Variants in PTPRC observed in about 807,000 individuals in gnomAD.
PTPRC encodes receptor-type tyrosine-protein phosphatase C.
In PTPRC, 44 loss-of-function variants were observed where a neutral mutation model predicts 155.9. The ratio of observed to expected loss-of-function variants is 0.28; its 90% CI spans 0.22 to 0.36. The LOEUF is 0.36. PTPRC is among the 10% of genes least tolerant of loss of function. The pLI is 1.00. For missense variants in PTPRC, 1,401 were observed against 1,564.6 expected, an observed-to-expected ratio of 0.90 and a Z score of 1.76; for synonymous variants, 525 against 533.1, an observed-to-expected ratio of 0.98 and a Z score of 0.21.
chr1:198,748,105 T>TTTC lies in PTPRC; in HGVS notation c.2848-4_2848-3insTTC. On this transcript the variant is annotated splice_region_variant and splice_polypyrimidine_tract_variant and intron_variant, in intron 26 of 32. Transcript: ENST00000442510. ...AGTTTTTCTGTTTTTTTTTTTTTTTTCAGAGACTTCCTTCATATAGGAGCT... is the reference window on the plus strand; with the variant it reads ...AGTTTTTCTGTTTTTTTTTTTTTTTTTTCCAGAGACTTCCTTCATATAGGAGCT... The TTTC allele has an allele frequency of 6.3e-7, 1 of 1,576,562 alleles. No individual in the cohort carries two copies. Among genetic ancestry groups the TTTC allele is most frequent in the Non-Finnish European group, 8.6e-7 (1 of 1,165,350 alleles).
intron 2 of PTPRC, among the ~76,000 whole-genome samples, chr1:198,661,326 A>C (rs1663949157): frequency 6.7e-6 from 1 of 149,710 alleles, no homozygotes; most frequent in African/African-American, 2.4e-5. Context: ...TTATTAAATA[A>C]TAATAAATCA....
chr1:198,756,049 T>G lies in PTPRC; in HGVS notation c.3789T>G (p.Asn1263Lys). Residue 1263 changes from asparagine (N) to lysine (K), a missense_variant, in exon 33 of 33, where the codon AAT becomes AAG. Transcript: ENST00000442510. The part of the protein sequence containing the change: ...DKVKQDANCV[N>K]PLGAPEKLPE... ...TAAAGCAGGATGCTAATTGTGTTAA[T>G]CCACTTGGTGCCCCAGAAAAGCTCC... is the stretch of plus-strand genomic sequence containing the variant. 2 of 1,613,490 alleles carry G rather than the reference T, an allele frequency of 1.2e-6. No homozygotes were observed. The highest frequency in any genetic ancestry group is 8.5e-7 in the Non-Finnish European group (1 of 1,179,672).
rs1663349014 is a variant in PTPRC at position 198,653,152 on chromosome 1, A to G, written c.73+13811A>G. Among the ~76,000 whole-genome samples the G allele has an allele frequency of 2.0e-5, 3 of 151,822 alleles. No individual in the cohort carries two copies. In the Admixed American group the frequency reaches 2.0e-4, roughly 10 times the overall value. On this transcript the variant is annotated intron_variant, in intron 2 of 32. Coordinates refer to ENST00000442510, the MANE Select transcript of PTPRC (RefSeq NM_002838.5). ...TATCTTAATTAGTCACTTTTCAAGA[A>G]CAAATGTGTTATGCTCAAAGCATCC...
intron 2 of PTPRC, among the ~76,000 whole-genome samples, chr1:198,670,930 G>A (rs181576830): frequency 3.9e-5 from 6 of 151,984 alleles, no homozygotes; most frequent in Admixed American, 2.0e-4. Context: ...TATTTACATA[G>A]CATTTATTTT....
intron 3 of PTPRC, among the ~76,000 whole-genome samples, chr1:198,696,074 C>T (rs941200495): frequency 2.6e-5 from 4 of 151,802 alleles, no homozygotes; most frequent in Non-Finnish European, 4.4e-5. Context: ...GCAAGAGAAT[C>T]GCTTGAACCA....
chr1:198,701,962 A>G (rs909408934), intron 5 of PTPRC, among the ~76,000 whole-genome samples: 1 of 152,178 alleles, frequency 6.6e-6, no homozygotes, highest in Admixed American at 6.5e-5. Context: ...CTCAGCATGT[A>G]TCAAGTTGCA....
At chr1:198,718,051 A>C in intron 13 of PTPRC, 43 bp from the exon 14 acceptor site, 2 of 1,415,192 alleles carry the variant, frequency 1.4e-6, no homozygotes, top group Non-Finnish European at 2.0e-6. Context: ...TTACATATGC[A>C]TCTATTAAAT....
chr1:198,723,380 G>T (rs1207480463), intron 15 of PTPRC, among the ~76,000 whole-genome samples: 1 of 152,052 alleles, frequency 6.6e-6, no homozygotes, highest in African/African-American at 2.4e-5. Flanking sequence ...TCACTGGTAT[G>T]AATGCAAAGT....
intron 2 of PTPRC, among the ~76,000 whole-genome samples, chr1:198,671,842 A>AC (rs1664665838): frequency 1.3e-5 from 2 of 152,160 alleles, no homozygotes; most frequent in Admixed American, 1.3e-4. Context: ...ACATGCTAGG[A>AC]AGTCTGTATT....
chr1:198,719,671 C>T (rs1174870410), intron 14 of PTPRC, among the ~76,000 whole-genome samples: 1 of 151,770 alleles, frequency 6.6e-6, no homozygotes, highest in Admixed American at 6.6e-5. Flanking sequence ...AGTGTGGTGG[C>T]GTGATCTCGG....
At chr1:198,716,875 T>C in intron 13 of PTPRC, 35 bp downstream of exon 13, 1 of 1,602,980 alleles carries the variant, frequency 6.2e-7, no homozygotes, top group Non-Finnish European at 8.5e-7. Flanking sequence ...TTTCCATAAA[T>C]GGTAAAAAGC....
chr1:198,696,763 C>T lies in PTPRC; in HGVS notation c.152C>T (p.Pro51Leu), dbSNP rs1279852502. 3.7e-6 allele frequency: 6 copies of T among 1,614,076 alleles called. No homozygotes were observed. Among genetic ancestry groups the T allele is most frequent in the Non-Finnish European group, 3.4e-6 (4 of 1,179,992 alleles). The change falls in exon 4 of 33, where the codon CCT (proline) becomes CTT (leucine). Residue 51 changes from proline (P) to leucine (L), a missense_variant. Pro to Leu is a moderately conservative substitution (Grantham distance 98). Transcript: ENST00000442510. The part of the protein sequence containing the change: ...PSVPLSSDPL[P>L]THTTAFSPAS... ...GTTCCACTTTCAAGTGACCCCTTACCTACTCACACCACTGCATTCTCACCC... is the reference window on the plus strand; with the variant it reads ...GTTCCACTTTCAAGTGACCCCTTACTTACTCACACCACTGCATTCTCACCC...
rs1653189772 is a variant in PTPRC, at chr1:198,709,733, A to C, written c.1080A>C (p.Glu360Asp). The C allele has an allele frequency of 2.5e-6, 4 of 1,605,848 alleles. No individual in the cohort carries two copies. The highest frequency in any genetic ancestry group is 3.4e-6 in the Non-Finnish European group (4 of 1,176,260). Residue 360 changes from glutamate (E) to aspartate (D), a missense_variant, in exon 11 of 33, where the codon GAA becomes GAC. Physicochemically the swap from Glu to Asp is conservative, Grantham distance 45 (BLOSUM62 2). Transcript: ENST00000442510. ...AAGAAATTAAATTAGAAAACCTTGAACCCGAACATGAGTATAAGTGTGACT... is the reference window on the plus strand; with the variant it reads ...AAGAAATTAAATTAGAAAACCTTGACCCCGAACATGAGTATAAGTGTGACT... ...DNKEIKLENL[E>D]PEHEYKCDSE...
At chr1:198,687,578 C>T (rs189787765) in intron 2 of PTPRC, among the ~76,000 whole-genome samples, 2 of 151,252 alleles carry the variant, frequency 1.3e-5, no homozygotes, top group Admixed American at 6.6e-5. Flanking sequence ...GTTCTGCTAA[C>T]GTTGATGTAA....
chr1:198,725,516 C>A (rs1187414151), intron 15 of PTPRC, among the ~76,000 whole-genome samples: 1 of 152,112 alleles, frequency 6.6e-6, no homozygotes, highest in African/African-American at 2.4e-5. Flanking sequence ...AAAAGTGGTT[C>A]TTCTCACAGT....
chr1:198,667,413 A>T (rs1230078383), intron 2 of PTPRC, among the ~76,000 whole-genome samples: 2 of 152,220 alleles, frequency 1.3e-5, no homozygotes, highest in East Asian at 3.8e-4. Context: ...AATCTATATT[A>T]GGCCTTTTAT....
intron 2 of PTPRC, among the ~76,000 whole-genome samples, chr1:198,648,271 A>C (rs1663041994): frequency 6.6e-6 from 1 of 151,852 alleles, no homozygotes; most frequent in South Asian, 2.1e-4. Flanking sequence ...TGTGGAGAGA[A>C]AAGGGAAAAC....
At chr1:198,746,459 T>C (rs1655137498) in intron 26 of PTPRC, among the ~76,000 whole-genome samples, 1 of 151,234 alleles carries the variant, frequency 6.6e-6, no homozygotes, top group Admixed American at 6.6e-5. Context: ...CAGGTTTTAA[T>C]TGGTGGAAAG....
chr1:198,666,003 G>A (rs998119369), intron 2 of PTPRC, among the ~76,000 whole-genome samples: 2 of 152,072 alleles, frequency 1.3e-5, no homozygotes, highest in African/African-American at 2.4e-5. Context: ...CACTTTGAGA[G>A]GCCAAGGGGG....
Sources: allele counts gnomAD v4.1 joint callset (sites outside exome capture counted in the v4.1 genomes callset), GRCh38; gene constraint gnomAD v4.1.1; transcripts MANE v1.5; gene names NCBI Gene and HGNC (gene_info 2026-07-23, HGNC 2026-07-21).